Variants in ARSG observed in about 807,000 individuals in gnomAD.
The protein encoded by ARSG is ASG.
A neutral mutation model predicts 50.5 loss-of-function variants in ARSG; 37 were observed. The observed-to-expected ratio is 0.73, with a 90% confidence interval of 0.56 to 0.96. ARSG has a LOEUF of 0.96. ARSG is among the 50% of genes least tolerant of loss of function. The pLI is 0.00. For synonymous variants in ARSG, 225 were observed against 254.6 expected (o/e 0.88, Z 1.11); for missense variants, 629 against 675.3 (o/e 0.93, Z 0.76).
chr17:68,324,594 G>T (rs1361446239), intron 2 of ARSG, among the ~76,000 whole-genome samples: 1 of 152,158 alleles, frequency 6.6e-6, no homozygotes, highest in Non-Finnish European at 1.5e-5. Context: ...CTTCAATATG[G>T]CACCGTGATG....
At chr17:68,431,366 G>A in the ARSG span, among the ~76,000 whole-genome samples, 1 of 152,044 alleles carries the variant, frequency 6.6e-6, no homozygotes, top group Non-Finnish European at 1.5e-5. Flanking sequence ...GCTGGGGACT[G>A]AGCATGGAGC....
intron 3 of ARSG, among the ~76,000 whole-genome samples, chr17:68,345,679 A>G (rs1270049599): frequency 6.6e-6 from 1 of 152,140 alleles, no homozygotes; most frequent in African/African-American, 2.4e-5. Context: ...GTCCATGTTT[A>G]TGTGTTGCCT....
chr17:68,429,107 G>T, the ARSG span, among the ~76,000 whole-genome samples: 83 of 152,186 alleles, frequency 5.5e-4, no homozygotes, highest in Non-Finnish European at 1.0e-3. Flanking sequence ...TCTGGCCTTG[G>T]GATCTACTTT....
At chr17:68,362,410 G>A (rs1442573268) in intron 6 of ARSG, among the ~76,000 whole-genome samples, 1 of 151,940 alleles carries the variant, frequency 6.6e-6, no homozygotes, top group African/African-American at 2.4e-5. Flanking sequence ...CAATCATATC[G>A]AACGTCTCCC....
intron 6 of ARSG, among the ~76,000 whole-genome samples, chr17:68,366,336 A>T (rs1056477888): frequency 1.3e-5 from 2 of 152,130 alleles, no homozygotes; most frequent in African/African-American, 4.8e-5. Context: ...AAATACTTGA[A>T]ATTTGAGCCA....
rs2079624364 is a variant in ARSG at position 68,367,945 on chromosome 17, C to T, written c.705-603C>T. Among the ~76,000 whole-genome samples the T allele has an allele frequency of 6.6e-6, 1 of 152,110 alleles. No individual in the cohort carries two copies. Among genetic ancestry groups the T allele is most frequent in the Admixed American group, 6.6e-5 (1 of 15,244 alleles). On this transcript the variant is annotated intron_variant, in intron 6 of 11. Transcript: ENST00000621439. This position sits in a 1 kb window ranked among gnomAD's most constrained non-coding sequence, Gnocchi z 4.5. ...ATTAGACGGGCATGGGGGTGGGCAC[C>T]TGTAATTCCAGCTACTCAGGAGGCT...
chr17:68,395,274 C>T, intron 10 of ARSG, 81 bp downstream of exon 10: 4 of 1,572,220 alleles, frequency 2.5e-6, no homozygotes, highest in Non-Finnish European at 3.5e-6. Context: ...CAGACAGAAC[C>T]ATCATCAGAA....
chr17:68,327,556 T>C (rs2077556306), intron 2 of ARSG, among the ~76,000 whole-genome samples: 1 of 152,182 alleles, frequency 6.6e-6, no homozygotes, highest in Non-Finnish European at 1.5e-5. Context: ...AGCATTCTCT[T>C]CTCTGTGTCT....
At chr17:68,379,974 G>A (rs112267834) in intron 8 of ARSG, 44 of 668,490 alleles carry the variant, frequency 6.6e-5, no homozygotes, top group African/African-American at 4.3e-4. Context: ...TGAGCGACAC[G>A]GATTTGAACT....
At chr17:68,432,173 G>A in the ARSG span, among the ~76,000 whole-genome samples, 1 of 152,196 alleles carries the variant, frequency 6.6e-6, no homozygotes, top group African/African-American at 2.4e-5. Flanking sequence ...AGATGAAGGA[G>A]CGAGAAGGGA....
chr17:68,408,385 T>C (rs2081840733), intron 11 of ARSG, among the ~76,000 whole-genome samples: 1 of 151,406 alleles, frequency 6.6e-6, no homozygotes, highest in Non-Finnish European at 1.5e-5. Flanking sequence ...TTTGGTTTTT[T>C]GTTCTTGCAA....
intron 11 of ARSG, among the ~76,000 whole-genome samples, chr17:68,401,692 C>T (rs1037970860): frequency 2.6e-5 from 4 of 152,188 alleles, no homozygotes; most frequent in Non-Finnish European, 5.9e-5. Context: ...GCTCTCAGCA[C>T]GTTTATTCAG....
downstream of ARSG, among the ~76,000 whole-genome samples, chr17:68,427,731 G>A (rs574304492): frequency 5.3e-5 from 8 of 152,330 alleles, no homozygotes; most frequent in South Asian, 1.7e-3. Flanking sequence ...ACATTGGCTA[G>A]ACAAAGATTA....
At chr17:68,417,057 A>G (rs1028945960) in intron 11 of ARSG, among the ~76,000 whole-genome samples, 3 of 152,078 alleles carry the variant, frequency 2.0e-5, no homozygotes, top group Admixed American at 6.6e-5. Context: ...TTGTTTTGTC[A>G]TATTAATTAC....
intron 7 of ARSG, among the ~76,000 whole-genome samples, chr17:68,369,526 C>G (rs2079719351): frequency 6.6e-6 from 1 of 150,496 alleles, no homozygotes; most frequent in Non-Finnish European, 1.5e-5. Context: ...GGAGACAGAG[C>G]AAGACTCTGT....
chr17:68,450,685 CG>C, the ARSG span: 1 of 1,563,138 alleles, frequency 6.4e-7, no homozygotes, highest in Non-Finnish European at 8.6e-7. Context: ...GTTTGGCTCC[CG>C]TTAGCAGAAG....
chr17:68,270,002 G>A (rs1555747959), intron 1 of ARSG, among the ~76,000 whole-genome samples: 1 of 152,038 alleles, frequency 6.6e-6, no homozygotes, highest in African/African-American at 2.4e-5. Flanking sequence ...CAGGGGGTAC[G>A]ATTTCTAATC....
intron 9 of ARSG, among the ~76,000 whole-genome samples, chr17:68,394,051 A>C (rs2081121758): frequency 6.6e-6 from 1 of 151,922 alleles, no homozygotes; most frequent in Admixed American, 6.6e-5. Flanking sequence ...TTCAGCCTTT[A>C]TTCACATTTT....
intron 5 of ARSG, among the ~76,000 whole-genome samples, chr17:68,352,550 C>G (rs554617162): frequency 1.3e-5 from 2 of 148,200 alleles, no homozygotes; most frequent in East Asian, 3.9e-4. Flanking sequence ...TGCTCTCTTA[C>G]CCAGGCTAGA....
Sources: gnomAD v4.1 joint callset for allele counts (sites outside exome capture counted in the v4.1 genomes callset) on GRCh38, gnomAD v4.1.1 for gene constraint, Gnocchi (gnomAD v3.1) non-coding constraint, MANE v1.5 for transcripts, NCBI Gene and HGNC (gene_info 2026-07-23, HGNC 2026-07-21) for gene names.